Variants in TACC3 observed in about 807,000 individuals in gnomAD.
TACC3 encodes transforming acidic coiled-coil containing protein 3, also known as transforming acidic coiled-coil-containing protein 3.
In TACC3, 52 loss-of-function variants were observed where a neutral mutation model predicts 86.0. The observed-to-expected ratio is 0.60, with a 90% CI of 0.48 to 0.76. The LOEUF is 0.76. Among genes scored for constraint, TACC3 ranks in the 30% least tolerant of loss-of-function variants. The probability of loss-of-function intolerance (pLI) is 0.00; values close to 1 mark genes in which losing one functional copy is unlikely to be tolerated. For synonymous variants in TACC3, 512 were observed against 430.0 expected, an observed-to-expected ratio of 1.19 and a Z score of -2.36; for missense variants, 1,120 against 1,070.4, an observed-to-expected ratio of 1.05 and a Z score of -0.65.
At chr4:1,740,289 C>T (rs1018218590) in intron 12 of TACC3, 5 of 544,312 alleles carry the variant, frequency 9.2e-6, no homozygotes, top group African/African-American at 3.8e-5. Flanking sequence ...TCTGTCCCGC[C>T]GTGGCCTACC....
intron 10 of TACC3, chr4:1,739,434 A>G: frequency 1.8e-6 from 1 of 541,020 alleles, no homozygotes; most frequent in East Asian, 3.0e-5. Context: ...AGCTGCAGGG[A>G]CACACACCTG....
At position 1,736,446 on chromosome 4, in the gene TACC3, C is replaced by A. The variant is rs372227132; in HGVS notation, c.1748+612C>A. ...TCAAAAAAAAAAAAAAAAAAAAAAA[C>A]CAAAAAATAGAGGTCAGCAAACTAT... On this transcript the variant is annotated intron_variant, in intron 8 of 15. Coordinates refer to ENST00000313288, the MANE Select transcript of TACC3 (RefSeq NM_006342.3). Among the ~76,000 whole-genome samples the A allele has an allele frequency of 9.7e-3, 888 of 91,422 alleles. 3 individuals are homozygous for A. The highest frequency in any genetic ancestry group is 0.022 in the South Asian group (55 of 2,470). 60.0% of individuals were successfully genotyped at this position (91,422 alleles called of 152,430 possible). A position where few individuals can be genotyped will look rare whatever the true frequency, so the allele number is the denominator to read the frequency against.
Position 1,744,575 on chromosome 4 carries a change from G to T in TACC3, c.2281G>T (p.Gly761Cys). The part of the protein sequence containing the change: ...EDYLARITQE[G>C]QRYQALKAHA... ...TTACCTGGCAAGGATCACCCAGGAG[G>T]GCCAGAGGTACCAAGCCCTGAAGGC... The change falls in exon 14 of 16, where the codon GGC becomes TGC. Residue 761 changes from glycine (G) to cysteine (C), a missense_variant. Physicochemically the swap from Gly to Cys is radical, Grantham distance 159 (BLOSUM62 -3). Coordinates refer to ENST00000313288, the MANE Select transcript of TACC3 (RefSeq NM_006342.3). The T allele has an allele frequency of 6.2e-7, 1 of 1,613,274 alleles. No individual in the cohort carries two copies.
At position 1,744,606 on chromosome 4, in the gene TACC3, C is replaced by T. The variant is rs142672031; in HGVS notation, c.2312C>T (p.Ala771Val). The T allele has an allele frequency of 6.8e-6, 11 of 1,613,120 alleles. No homozygotes were observed. Among genetic ancestry groups the T allele is most frequent in the Middle Eastern group, 1.6e-4 (1 of 6,062 alleles). ...GQRYQALKAH[A>V]EEKLQLANEE... ...AGGTACCAAGCCCTGAAGGCCCACG[C>T]GGAGGAGAAGCTGCAGCTGTGAGTG... The change falls in exon 14 of 16, where the codon GCG (alanine) becomes GTG (valine). Residue 771 changes from alanine to valine, a missense_variant. Physicochemically the swap from Ala to Val is moderately conservative, Grantham distance 64. Coordinates refer to ENST00000313288, the MANE Select transcript of TACC3 (RefSeq NM_006342.3).
At chr4:1,737,469 C>CGCACTGTCTCGGGTCCCTCAT in intron 9 of TACC3, 129 bp from the exon 10 acceptor site, 3 of 1,084,612 alleles carry the variant, frequency 2.8e-6, no homozygotes, top group Non-Finnish European at 2.7e-6. Context: ...GTTCCCTCGC[C>CGCACTGTCTCGGGTCCCTCAT]GCACTGTCTC....
intron 4 of TACC3, among the ~76,000 whole-genome samples, chr4:1,729,044 A>G (rs986964480): frequency 6.6e-6 from 1 of 152,174 alleles, no homozygotes; most frequent in African/African-American, 2.4e-5. Context: ...TCAGGCCAGA[A>G]GCCAAATGCA....
At position 1,735,897 on chromosome 4, in the gene TACC3, C is replaced by A. The variant is rs969597792; in HGVS notation, c.1748+63C>A. 7.5e-6 allele frequency: 9 copies of A among 1,199,592 alleles called. No homozygotes were observed. Among genetic ancestry groups the A allele is most frequent in the South Asian group, 1.3e-5 (1 of 74,186 alleles). The allele number at this position is 1,199,592 out of a possible 1,614,324, so 74.3% of individuals were successfully genotyped here. ...AGTGTGGGAAGACTGGAGGCTGTTC[C>A]TAGGTGTGCTGTCTGCACAGAGGCT... is the stretch of plus-strand genomic sequence containing the variant. On this transcript the variant is annotated intron_variant, in intron 8 of 15. Coordinates refer to ENST00000313288, the MANE Select transcript of TACC3 (RefSeq NM_006342.3). This position sits in a 1 kb window ranked among gnomAD's most constrained non-coding sequence, Gnocchi z 4.2.
chr4:1,731,438 A>G, intron 6 of TACC3, 137 bp downstream of exon 6: 2 of 980,380 alleles, frequency 2.0e-6, no homozygotes, highest in East Asian at 2.6e-5. Context: ...TGAATGACTC[A>G]TGCACAAACT....
intron 10 of TACC3, 49 bp downstream of exon 10, chr4:1,737,751 G>A (rs1348900424): frequency 6.6e-7 from 1 of 1,513,968 alleles, no homozygotes; most frequent in African/African-American, 1.4e-5. Flanking sequence ...GGCCGCTCTG[G>A]GGCTTGGCCA....
chr4:1,731,411 G>A (rs1049453672), intron 6 of TACC3, 110 bp downstream of exon 6: 7 of 1,344,136 alleles, frequency 5.2e-6, no homozygotes, highest in African/African-American at 2.9e-5. Context: ...TTCGCAGGCA[G>A]TTGGGTCCCT....
At chr4:1,741,585 T>C (rs1199163783) in intron 13 of TACC3, 1 of 152,354 alleles carries the variant, frequency 6.6e-6, no homozygotes, top group Non-Finnish European at 1.5e-5. Flanking sequence ...ACAGCAGCAA[T>C]GTTGGAGCGG....
intron 13 of TACC3, among the ~76,000 whole-genome samples, chr4:1,742,524 A>C (rs1718643722): frequency 6.6e-6 from 1 of 152,226 alleles, no homozygotes; most frequent in Non-Finnish European, 1.5e-5. Context: ...GTATTGCTTC[A>C]ATAGAGACCT....
At chr4:1,726,685 C>T (rs1263378439) in intron 3 of TACC3, among the ~76,000 whole-genome samples, 1 of 152,216 alleles carries the variant, frequency 6.6e-6, no homozygotes, top group East Asian at 1.9e-4. Context: ...TACAGGCCCA[C>T]AGCAGGCTGG....
At chr4:1,739,828 C>CCTTGTCCCCATCCCCCTCGCCATT in intron 11 of TACC3, 50 bp downstream of exon 11, 1 of 655,354 alleles carries the variant, frequency 1.5e-6, no homozygotes, top group African/African-American at 3.0e-5. Context: ...CCCTCGCCAT[C>CCTTGTCCCCATCCCCCTCGCCATT]CTTGTCCCCA....
In TACC3 at chr4:1,735,444, G is replaced by C; in HGVS notation, c.1644+119G>C. On this transcript the variant is annotated intron_variant, in intron 7 of 15. Transcript: ENST00000313288. This position sits in a 1 kb window ranked among gnomAD's most constrained non-coding sequence, Gnocchi z 4.2. The stretch of plus-strand genomic sequence containing the variant: ...GTCCCCCCAGCTGCACACAGGCCCA[G>C]GCATTGTGGCGGGCTGTGAATCCAG... 8.4e-7 allele frequency: 1 copy of C among 1,191,048 alleles called. No homozygotes were observed. Among genetic ancestry groups the C allele is most frequent in the Non-Finnish European group, 1.2e-6 (1 of 816,820 alleles). 73.8% of individuals were successfully genotyped at this position (1,191,048 alleles called of 1,614,324 possible).
At chr4:1,734,376 C>G (rs1718151701) in intron 6 of TACC3, among the ~76,000 whole-genome samples, 1 of 152,144 alleles carries the variant, frequency 6.6e-6, no homozygotes, top group African/African-American at 2.4e-5. Flanking sequence ...TTCGTAGAGA[C>G]AGGGTTTCCC....
chr4:1,742,016 G>T (rs1718619617), intron 13 of TACC3: 1 of 152,164 alleles, frequency 6.6e-6, no homozygotes, highest in African/African-American at 2.4e-5. Context: ...GATCATTTGA[G>T]CCCGGGAGGT....
intron 8 of TACC3, 46 bp from the exon 9 acceptor site, chr4:1,737,195 A>C: frequency 6.6e-7 from 1 of 1,512,268 alleles, no homozygotes. Flanking sequence ...GTCCTACTCA[A>C]CACTGGGAGG....
intron 3 of TACC3, among the ~76,000 whole-genome samples, chr4:1,725,184 G>A (rs1185226807): frequency 1.3e-5 from 2 of 151,794 alleles, no homozygotes; most frequent in Non-Finnish European, 2.9e-5. Flanking sequence ...TGCCGGCCTC[G>A]GCCTCCCAAA....
Sources: allele counts gnomAD v4.1 joint callset (sites outside exome capture counted in the v4.1 genomes callset), GRCh38; gene constraint gnomAD v4.1.1; non-coding constraint Gnocchi (gnomAD v3.1); transcripts MANE v1.5; gene names NCBI Gene and HGNC (gene_info 2026-07-23, HGNC 2026-07-21).